FHIP1A: variants seen among roughly 807,000 people sequenced by gnomAD.
FHIP1A encodes the protein FHF complex subunit HOOK interacting protein 1A, also known as FHF complex subunit HOOK-interacting protein 1A.
FHIP1A carries 61 observed loss-of-function variants against 88.6 expected under a neutral mutation model. The ratio of observed to expected loss-of-function variants is 0.69; its 90% CI spans 0.56 to 0.85. The LOEUF (loss-of-function observed/expected upper bound fraction) is 0.85, where lower values mean the gene tolerates loss of function less well. Among genes scored for constraint, FHIP1A ranks in the 40% least tolerant of loss-of-function variants. The probability of loss-of-function intolerance (pLI) is 0.00; values close to 1 mark genes in which losing one functional copy is unlikely to be tolerated. For missense variants in FHIP1A, 1,154 were observed against 1,273.5 expected, an observed-to-expected ratio of 0.91 and a Z score of 1.43; for synonymous variants, 478 against 496.0, an observed-to-expected ratio of 0.96 and a Z score of 0.48.
intron 8 of FHIP1A, among the ~76,000 whole-genome samples, chr4:151,636,006 T>C (rs1470128131): frequency 6.6e-6 from 1 of 151,960 alleles, no homozygotes; most frequent in African/African-American, 2.4e-5. Context: ...ATTCCAAAAC[T>C]AAACAAAGAC....
chr4:151,436,081 G>A (rs1728181033), intron 1 of FHIP1A, among the ~76,000 whole-genome samples: 1 of 152,118 alleles, frequency 6.6e-6, no homozygotes, highest in Non-Finnish European at 1.5e-5. Context: ...AAAAAGAAAT[G>A]CAGCTATCTT....
At chr4:151,631,852 C>T (rs1736169534) in intron 8 of FHIP1A, among the ~76,000 whole-genome samples, 1 of 152,128 alleles carries the variant, frequency 6.6e-6, no homozygotes, top group Non-Finnish European at 1.5e-5. Context: ...CTTCACATTA[C>T]TTCTTATGTT....
At chr4:151,483,149 G>A (rs1729959649) in intron 3 of FHIP1A, among the ~76,000 whole-genome samples, 1 of 152,036 alleles carries the variant, frequency 6.6e-6, no homozygotes, top group African/African-American at 2.4e-5. Flanking sequence ...ACAGAGGCAT[G>A]TACTATTTAT....
rs191583738 is a variant in FHIP1A, at chr4:151,621,099, C to G, written c.979-8603C>G. ...TAAGAAAACCAAAAAGCAAGGAAAA[C>G]AGAGAAGGAGTTTAGTCTGTTTATT... is the stretch of plus-strand genomic sequence containing the variant. On this transcript the variant is annotated intron_variant, in intron 7 of 13. Coordinates refer to ENST00000435205, the MANE Select transcript of FHIP1A (RefSeq NM_001109977.3). 5.3e-5 allele frequency among the ~76,000 whole-genome samples: 8 copies of G among 152,270 alleles called. No individual in the cohort carries two copies. In the East Asian group the frequency reaches 1.2e-3, roughly 22 times the overall value.
rs559432364 is a variant in FHIP1A at position 151,490,956 on chromosome 4, A to G, written c.-123+8308A>G. ...TCTGACAAAGACTAAGAAAAAAAGAATTAAAAAAATGAACAAAGCCTCCAA... is the reference window on the plus strand; with the variant it reads ...TCTGACAAAGACTAAGAAAAAAAGAGTTAAAAAAATGAACAAAGCCTCCAA... On this transcript the variant is annotated intron_variant, in intron 3 of 13. Coordinates refer to ENST00000435205, the MANE Select transcript of FHIP1A (RefSeq NM_001109977.3). Among the ~76,000 whole-genome samples, 3 of 152,150 alleles carry G rather than the reference A, an allele frequency of 2.0e-5. No individual in the cohort carries two copies. In the South Asian group the frequency reaches 6.2e-4, roughly 32 times the overall value.
At chr4:151,581,692 A>T (rs1034529812) in intron 5 of FHIP1A, among the ~76,000 whole-genome samples, 46 of 151,210 alleles carry the variant, frequency 3.0e-4, no homozygotes, top group South Asian at 8.4e-4. Flanking sequence ...CAACATAATT[A>T]AAAAAAAAGC....
At chr4:151,429,261 A>G (rs995182159) in intron 1 of FHIP1A, among the ~76,000 whole-genome samples, 1 of 152,242 alleles carries the variant, frequency 6.6e-6, no homozygotes, top group African/African-American at 2.4e-5. Flanking sequence ...TGTTTCCCCA[A>G]CACTTAGCTC....
At chr4:151,486,861 G>A (rs1424370736) in intron 3 of FHIP1A, among the ~76,000 whole-genome samples, 2 of 151,696 alleles carry the variant, frequency 1.3e-5, no homozygotes, top group Non-Finnish European at 2.9e-5. Context: ...CAAGCTACTC[G>A]GGAGGCTGAG....
rs972485061 is a variant in FHIP1A, at chr4:151,658,696, T to C, written c.2869+1798T>C. Reference sequence around the variant, plus strand: ...GAAGAGTGGGAAGAGCTGCAACAAGTTGTGGGCATTCTGCAGTCTCCTAGA... The same window carrying C: ...GAAGAGTGGGAAGAGCTGCAACAAGCTGTGGGCATTCTGCAGTCTCCTAGA... On this transcript the variant is annotated intron_variant, in intron 13 of 13. Transcript: ENST00000435205. Among the ~76,000 whole-genome samples the C allele has an allele frequency of 2.6e-5, 4 of 152,244 alleles. No homozygotes were observed. In the East Asian group the frequency reaches 7.7e-4, roughly 29 times the overall value.
chr4:151,561,555 G>A (rs1249147652), intron 3 of FHIP1A, among the ~76,000 whole-genome samples: 5 of 152,046 alleles, frequency 3.3e-5, no homozygotes, highest in Non-Finnish European at 7.4e-5. Context: ...TATAATTGAG[G>A]GCACAAGGTT....
chr4:151,616,501 T>G (rs188734205), intron 7 of FHIP1A, among the ~76,000 whole-genome samples: 2,065 of 143,282 alleles, frequency 0.014, 50 homozygotes, highest in African/African-American at 0.05. Context: ...CAGGCTGGAG[T>G]GCAGTGGTGC....
At chr4:151,451,070 G>A (rs570111856) in intron 1 of FHIP1A, among the ~76,000 whole-genome samples, 40 of 152,162 alleles carry the variant, frequency 2.6e-4, no homozygotes, top group African/African-American at 9.4e-4. Context: ...GAGCCACTGC[G>A]CCTGGCCAAT....
intron 3 of FHIP1A, among the ~76,000 whole-genome samples, chr4:151,527,413 A>G (rs1380389390): frequency 6.6e-6 from 1 of 152,176 alleles, no homozygotes; most frequent in Non-Finnish European, 1.5e-5. Context: ...AGTCGCAGGC[A>G]CTCGGCAGGC....
At chr4:151,428,932 C>CT (rs1398933306) in intron 1 of FHIP1A, among the ~76,000 whole-genome samples, 1 of 152,176 alleles carries the variant, frequency 6.6e-6, no homozygotes, top group Non-Finnish European at 1.5e-5. Flanking sequence ...TTAGGGAAGT[C>CT]TTTACCCTAG....
chr4:151,591,319 T>A (rs1057085170), intron 7 of FHIP1A, among the ~76,000 whole-genome samples: 8 of 152,270 alleles, frequency 5.3e-5, no homozygotes, highest in Middle Eastern at 3.4e-3. Context: ...TTTCCTGTAT[T>A]TCCCCCTTTG....
At chr4:151,647,167 A>G (rs1342981233) in intron 10 of FHIP1A, among the ~76,000 whole-genome samples, 6 of 152,200 alleles carry the variant, frequency 3.9e-5, no homozygotes, top group Admixed American at 3.9e-4. Flanking sequence ...TATCACTATA[A>G]AACTTGAAAT....
intron 6 of FHIP1A, among the ~76,000 whole-genome samples, chr4:151,588,212 A>G (rs894021528): frequency 1.3e-5 from 2 of 152,082 alleles, no homozygotes; most frequent in African/African-American, 2.4e-5. Flanking sequence ...ATCTACACTA[A>G]ATATATTTTG....
intron 5 of FHIP1A, among the ~76,000 whole-genome samples, chr4:151,580,835 A>G (rs995447373): frequency 6.6e-6 from 1 of 151,968 alleles, no homozygotes; most frequent in Admixed American, 6.6e-5. Flanking sequence ...ATCAAAAAAC[A>G]TGTTGAATTA....
intron 3 of FHIP1A, among the ~76,000 whole-genome samples, chr4:151,548,133 A>G (rs964288810): frequency 2.0e-5 from 3 of 152,138 alleles, no homozygotes; most frequent in Admixed American, 6.6e-5. Context: ...TAACCACTCA[A>G]TGCCTTTAAT....
Sources: gnomAD v4.1 joint callset for allele counts (sites outside exome capture counted in the v4.1 genomes callset) on GRCh38, gnomAD v4.1.1 for gene constraint, MANE v1.5 for transcripts, NCBI Gene and HGNC (gene_info 2026-07-23, HGNC 2026-07-21) for gene names.